GPATCH2: variants seen among roughly 807,000 people sequenced by gnomAD.
GPATCH2 encodes G-patch domain containing 2.
Under a neutral mutation model 58.0 loss-of-function variants are expected in GPATCH2, and 51 were observed. That is an observed-to-expected ratio of 0.88 (90% CI 0.70 to 1.11). The LOEUF is 1.11. GPATCH2 is among the 50% of genes most tolerant of loss of function. GPATCH2 has a pLI of 0.00. For missense variants in GPATCH2, 625 were observed against 652.2 expected, an observed-to-expected ratio of 0.96 and a Z score of 0.45; for synonymous variants, 222 against 218.5, an observed-to-expected ratio of 1.02 and a Z score of -0.14.
At chr1:217,556,466 T>C (rs899844288) in intron 5 of GPATCH2, among the ~76,000 whole-genome samples, 3 of 152,334 alleles carry the variant, frequency 2.0e-5, no homozygotes, top group Admixed American at 6.5e-5. Context: ...AAACAAACTG[T>C]ATGCATTATT....
intron 8 of GPATCH2, among the ~76,000 whole-genome samples, chr1:217,456,017 G>A (rs6666090): frequency 0.16 from 24,038 of 151,802 alleles, 4,017 homozygotes; most frequent in African/African-American, 0.43. Flanking sequence ...TTCCCACTCC[G>A]TCCCCTTCCC....
chr1:217,542,338 A>G (rs1471255215), intron 5 of GPATCH2, among the ~76,000 whole-genome samples: 1 of 152,232 alleles, frequency 6.6e-6, no homozygotes, highest in Non-Finnish European at 1.5e-5. Context: ...TCCCTGGCCC[A>G]GGCCTGGCCA....
intron 5 of GPATCH2, among the ~76,000 whole-genome samples, chr1:217,534,501 G>A (rs375409052): frequency 1.3e-3 from 203 of 151,292 alleles, no homozygotes; most frequent in African/African-American, 4.4e-3. Flanking sequence ...ATAAAATAAG[G>A]CCATTTTTCA....
chr1:217,581,201 T>C (rs1667067461), intron 5 of GPATCH2, among the ~76,000 whole-genome samples: 1 of 152,240 alleles, frequency 6.6e-6, no homozygotes. Flanking sequence ...GTGTCTCTTG[T>C]TCTTACCCTT....
At chr1:217,603,937 T>G (rs1486145829) in intron 5 of GPATCH2, among the ~76,000 whole-genome samples, 1 of 152,094 alleles carries the variant, frequency 6.6e-6, no homozygotes, top group Non-Finnish European at 1.5e-5. Context: ...ATAGAGAATT[T>G]TGAATCAAAG....
chr1:217,526,115 C>T (rs1359552919), intron 5 of GPATCH2, among the ~76,000 whole-genome samples: 16 of 152,046 alleles, frequency 1.1e-4, no homozygotes, highest in Non-Finnish European at 2.2e-4. Flanking sequence ...CCTTAATTTA[C>T]ATCAGGGGAA....
intron 8 of GPATCH2, among the ~76,000 whole-genome samples, chr1:217,481,691 T>C (rs1661218529): frequency 1.3e-5 from 2 of 152,012 alleles, no homozygotes; most frequent in African/African-American, 4.8e-5. Context: ...ACTCCATCTC[T>C]ACAAAAAATA....
At chr1:217,610,188 G>A (rs1257984093) in intron 5 of GPATCH2, 133 bp downstream of exon 5, 1 of 1,590,120 alleles carries the variant, frequency 6.3e-7, no homozygotes, top group South Asian at 1.1e-5. Flanking sequence ...GGTCCAGTTT[G>A]TAGCCTACAA....
intron 6 of GPATCH2, among the ~76,000 whole-genome samples, chr1:217,510,346 T>G (rs1013039698): frequency 5.3e-5 from 8 of 152,002 alleles, no homozygotes; most frequent in Non-Finnish European, 1.2e-4. Context: ...AATATTATTG[T>G]GATTTGATAT....
At chr1:217,524,185 C>T (rs576851911) in intron 5 of GPATCH2, among the ~76,000 whole-genome samples, 5 of 137,074 alleles carry the variant, frequency 3.6e-5, no homozygotes, top group African/African-American at 1.4e-4. Flanking sequence ...TCAGACGGGG[C>T]GGCTGCTGGG....
chr1:217,608,558 C>A (rs1454687838), intron 5 of GPATCH2: 2 of 985,028 alleles, frequency 2.0e-6, no homozygotes, highest in Non-Finnish European at 2.4e-6. Flanking sequence ...AAATGGGCTA[C>A]AAATCCCAGC....
chr1:217,595,554 C>T (rs1450025743), intron 5 of GPATCH2, among the ~76,000 whole-genome samples: 1 of 151,388 alleles, frequency 6.6e-6, no homozygotes, highest in Non-Finnish European at 1.5e-5. Flanking sequence ...GGCTGGAGTG[C>T]AATGCTGCGA....
At chr1:217,518,320 G>A (rs919719999) in intron 5 of GPATCH2, among the ~76,000 whole-genome samples, 1 of 152,132 alleles carries the variant, frequency 6.6e-6, no homozygotes, top group African/African-American at 2.4e-5. Flanking sequence ...GATTCAGGAG[G>A]TCAATATGTA....
At chr1:217,565,155 T>C (rs1171582414) in intron 5 of GPATCH2, among the ~76,000 whole-genome samples, 1 of 152,212 alleles carries the variant, frequency 6.6e-6, no homozygotes, top group Non-Finnish European at 1.5e-5. Context: ...TATTCACTAC[T>C]GGCAATACAA....
At chr1:217,593,798 T>C (rs1667698286) in intron 5 of GPATCH2, among the ~76,000 whole-genome samples, 1 of 152,036 alleles carries the variant, frequency 6.6e-6, no homozygotes, top group Non-Finnish European at 1.5e-5. Context: ...TAAAATGCAT[T>C]ACATAGCTAG....
chr1:217,542,110 T>C (rs1196667174), intron 5 of GPATCH2, among the ~76,000 whole-genome samples: 2 of 152,358 alleles, frequency 1.3e-5, no homozygotes, highest in East Asian at 3.9e-4. Context: ...GTCGAGATTA[T>C]ACAATTTAAG....
intron 8 of GPATCH2, among the ~76,000 whole-genome samples, chr1:217,481,170 A>G (rs533464639): frequency 6.6e-6 from 1 of 152,348 alleles, no homozygotes; most frequent in East Asian, 1.9e-4. Context: ...GATTATTGGT[A>G]ATACAAAGGA....
intron 9 of GPATCH2, among the ~76,000 whole-genome samples, chr1:217,435,301 A>G (rs1477875799): frequency 6.6e-6 from 1 of 152,104 alleles, no homozygotes. Context: ...GATCTCTCAT[A>G]TCTATTACAG....
chr1:217,542,749 T>C (rs918906814), intron 5 of GPATCH2, among the ~76,000 whole-genome samples: 10 of 152,212 alleles, frequency 6.6e-5, no homozygotes, highest in African/African-American at 2.4e-4. Flanking sequence ...ACCCAAAACG[T>C]CTTAAGAATT....
Sources: allele counts gnomAD v4.1 joint callset (sites outside exome capture counted in the v4.1 genomes callset), GRCh38; gene constraint gnomAD v4.1.1; transcripts MANE v1.5; gene names NCBI Gene and HGNC (gene_info 2026-07-23, HGNC 2026-07-21).